SLC12A6: variants seen among roughly 807,000 people sequenced by gnomAD.
SLC12A6 encodes solute carrier family 12 member 6.
In SLC12A6, 66 loss-of-function variants were observed where a neutral mutation model predicts 135.3. The ratio of observed to expected loss-of-function variants is 0.49; its 90% confidence interval spans 0.40 to 0.60. SLC12A6 has a LOEUF of 0.60. Ranked by LOEUF, SLC12A6 falls within the 20% of genes least tolerant of loss-of-function variation. The probability of loss-of-function intolerance (pLI) is 0.00; values close to 1 mark genes in which losing one functional copy is unlikely to be tolerated. For synonymous variants in SLC12A6, 513 were observed against 508.8 expected, an observed-to-expected ratio of 1.01 and a Z score of -0.11; for missense variants, 1,058 against 1,452.3, an observed-to-expected ratio of 0.73 and a Z score of 4.41.
chr15:34,237,427 C>A lies in SLC12A6; in HGVS notation c.2926G>T (p.Val976Leu), dbSNP rs748607298. 6.2e-7 allele frequency: 1 copy of A among 1,612,350 alleles called. No homozygotes were observed. Among genetic ancestry groups the A allele is most frequent in the Non-Finnish European group, 8.5e-7 (1 of 1,179,020 alleles). Reference protein sequence around the residue: ...HLRIEAEVEVVEMHDSDISAY... With the variant: ...HLRIEAEVEVLEMHDSDISAY... Reference sequence around the variant, plus strand: ...AAACTCAGCTTTCTCACCATCTCCACCACTTCTACCTCCGCCTCAATGCGT... The same window carrying A: ...AAACTCAGCTTTCTCACCATCTCCAACACTTCTACCTCCGCCTCAATGCGT... The change falls in exon 22 of 26, where the codon GTG becomes TTG. Residue 976 changes from valine (V) to leucine (L), a missense_variant. Val to Leu is a conservative substitution (Grantham distance 32, BLOSUM62 1). This residue lies in a region of SLC12A6 where 245 missense variants were observed against 440.8 expected (regional missense o/e 0.56). Transcript: ENST00000354181.
chr15:34,320,900 C>A, intron 2 of SLC12A6, among the ~76,000 whole-genome samples: 1 of 150,932 alleles, frequency 6.6e-6, no homozygotes. Flanking sequence ...CAGAGCAAGA[C>A]TCGTCTCAAA....
chr15:34,281,360 G>A (rs1247888211), intron 2 of SLC12A6, among the ~76,000 whole-genome samples: 3 of 152,084 alleles, frequency 2.0e-5, no homozygotes, highest in African/African-American at 7.2e-5. Context: ...ATATGGGTAG[G>A]ATCTCATCTT....
intron 13 of SLC12A6, among the ~76,000 whole-genome samples, chr15:34,248,568 C>A (rs200224968): frequency 3.3e-5 from 5 of 149,470 alleles, no homozygotes; most frequent in South Asian, 2.1e-4. Flanking sequence ...ACACCCCCAC[C>A]CACACACACA....
In SLC12A6 at chr15:34,261,019, G is replaced by A. The variant is rs116086579; in HGVS notation, c.318C>T (p.Asp106=). 1,413 of 1,513,444 alleles carry A rather than the reference G, an allele frequency of 9.3e-4. 4 individuals are homozygous for A. In the African/African-American group the frequency reaches 0.017, roughly 18 times the overall value. The allele number at this position is 1,513,444 out of a possible 1,614,324, so 93.8% of individuals were successfully genotyped here. Residue 106 remains aspartate (D), a splice_region_variant and synonymous_variant, in exon 4 of 26, where the codon GAC becomes GAT. Coordinates refer to ENST00000354181, the MANE Select transcript of SLC12A6 (RefSeq NM_001365088.1). ...SITGEHSQLL[D]DGHKKARNAY... Reference sequence around the variant, plus strand: ...CATTTCGAGCTTTCTTATGTCCGTCGTCTGGAAAAAAAAAAGTAGACCAAG... The same window carrying A: ...CATTTCGAGCTTTCTTATGTCCGTCATCTGGAAAAAAAAAAGTAGACCAAG...
chr15:34,278,722 C>T (rs1432035595), intron 2 of SLC12A6, among the ~76,000 whole-genome samples: 2 of 151,938 alleles, frequency 1.3e-5, no homozygotes, highest in South Asian at 2.1e-4. Flanking sequence ...AGGTGCCCAC[C>T]ACCACGCCCA....
chr15:34,309,774 T>C (rs1482550046), intron 2 of SLC12A6, among the ~76,000 whole-genome samples: 5 of 152,148 alleles, frequency 3.3e-5, no homozygotes, highest in Non-Finnish European at 5.9e-5. Context: ...CAGGAAAACA[T>C]GCCTCACAGA....
intron 10 of SLC12A6, among the ~76,000 whole-genome samples, chr15:34,251,338 C>G (rs1392291356): frequency 6.6e-6 from 1 of 152,120 alleles, no homozygotes; most frequent in African/African-American, 2.4e-5. Context: ...AGCTCTGCCT[C>G]CCAGGTTCAC....
intron 2 of SLC12A6, among the ~76,000 whole-genome samples, chr15:34,311,189 A>C (rs1227141505): frequency 6.6e-6 from 1 of 152,172 alleles, no homozygotes; most frequent in Non-Finnish European, 1.5e-5. Context: ...TCTAAATGGC[A>C]ATCTGTGTCC....
chr15:34,235,275 T>G lies in SLC12A6; in HGVS notation c.3267A>C (p.Lys1089Asn). Residue 1089 changes from lysine (K) to asparagine (N), a missense_variant, in exon 25 of 26, where the codon AAA becomes AAC. By Grantham distance (94) the Lys-to-Asn change is moderately conservative (BLOSUM62 0). Transcript: ENST00000354181. The part of the protein sequence containing the change: ...SNVRRMHTAV[K>N]LNEVIVNKSH... ...ACTTGTTAACTATAACCTCGTTGAGTTTCACTGCTGTATGCATCCGCCTCA... is the reference window on the plus strand; with the variant it reads ...ACTTGTTAACTATAACCTCGTTGAGGTTCACTGCTGTATGCATCCGCCTCA... The G allele has an allele frequency of 6.2e-7, 1 of 1,613,162 alleles. No homozygotes were observed. The highest frequency in any genetic ancestry group is 1.1e-5 in the South Asian group (1 of 91,058).
intron 2 of SLC12A6, among the ~76,000 whole-genome samples, chr15:34,284,043 T>C (rs1365835063): frequency 6.6e-6 from 1 of 151,658 alleles, no homozygotes; most frequent in Non-Finnish European, 1.5e-5. Flanking sequence ...CCACCACACT[T>C]GGCCAGCATA....
intron 18 of SLC12A6, 55 bp downstream of exon 18, chr15:34,241,178 A>G (rs998181226): frequency 7.6e-5 from 71 of 928,382 alleles, no homozygotes; most frequent in Non-Finnish European, 1.3e-4. Context: ...TCAACAAAAC[A>G]CATATTTTTG....
At chr15:34,283,979 C>T (rs1894862511) in intron 2 of SLC12A6, among the ~76,000 whole-genome samples, 1 of 152,116 alleles carries the variant, frequency 6.6e-6, no homozygotes. Flanking sequence ...CGGTCTCAAA[C>T]TCTGGGGCTC....
At chr15:34,332,724 A>C (rs1889934498) in intron 2 of SLC12A6, among the ~76,000 whole-genome samples, 1 of 151,978 alleles carries the variant, frequency 6.6e-6, no homozygotes, top group Non-Finnish European at 1.5e-5. Flanking sequence ...TGGAGGTTGC[A>C]GTGAGCCGAG....
At chr15:34,288,644 TC>T (rs1895292548) in intron 2 of SLC12A6, among the ~76,000 whole-genome samples, 1 of 152,204 alleles carries the variant, frequency 6.6e-6, no homozygotes, top group South Asian at 2.1e-4. Flanking sequence ...TTTGATTGTG[TC>T]CCCTCTTATT....
intron 2 of SLC12A6, among the ~76,000 whole-genome samples, chr15:34,315,959 A>AC (rs1456954289): frequency 9.9e-5 from 15 of 152,048 alleles, no homozygotes; most frequent in African/African-American, 3.6e-4. Context: ...ACAAAACAAA[A>AC]AAAACAACAA....
rs186756157 is a variant in SLC12A6, at chr15:34,260,504, C to T, written c.411+422G>A. On this transcript the variant is annotated intron_variant, in intron 4 of 25. Transcript: ENST00000354181. ...CGATCTCCTAACCTTGTGATCCACC[C>T]GCCTCGGCCTCCCAAAGTGCTGGGA... 6.6e-4 allele frequency among the ~76,000 whole-genome samples: 101 copies of T among 152,254 alleles called. 3 individuals carry two copies. The East Asian group carries it at 0.015, about 23-fold the overall frequency.
Position 34,306,796 on chromosome 15 carries a change from A to G in SLC12A6, c.271+29614T>C, listed in dbSNP as rs111541451. On this transcript the variant is annotated intron_variant, in intron 2 of 25. Coordinates refer to ENST00000354181, the MANE Select transcript of SLC12A6 (RefSeq NM_001365088.1). ...ATTGTTTTCAACTACTGCCCTAAGT[A>G]TTAAGTTCTGAAGAAAAAATTTAAG... 1.5e-3 allele frequency among the ~76,000 whole-genome samples: 234 copies of G among 152,364 alleles called. 2 individuals carry two copies. The highest frequency in any genetic ancestry group is 5.4e-3 in the African/African-American group (223 of 41,594).
At chr15:34,322,008 G>A (rs980989787) in intron 2 of SLC12A6, among the ~76,000 whole-genome samples, 8 of 152,194 alleles carry the variant, frequency 5.3e-5, no homozygotes, top group African/African-American at 1.4e-4. Flanking sequence ...ACTTCCTAGA[G>A]TGATGGTAAT....
chr15:34,287,203 A>G (rs992247153), intron 2 of SLC12A6, among the ~76,000 whole-genome samples: 5 of 151,846 alleles, frequency 3.3e-5, no homozygotes, highest in Admixed American at 6.6e-5. Context: ...TCATTGTTCA[A>G]CTCCCACTTA....
Sources: allele counts gnomAD v4.1 joint callset (sites outside exome capture counted in the v4.1 genomes callset), GRCh38; gene constraint gnomAD v4.1.1; regional missense constraint gnomAD v4.1.1; transcripts MANE v1.5; gene names NCBI Gene and HGNC (gene_info 2026-07-23, HGNC 2026-07-21).